Variants in KIF25 observed in about 807,000 individuals in gnomAD.
KIF25 encodes the protein kinesin family member 25.
A neutral mutation model predicts 32.9 loss-of-function variants in KIF25; 19 were observed. The ratio of observed to expected loss-of-function variants is 0.58; its 90% CI spans 0.40 to 0.85. The LOEUF is 0.85. KIF25 is among the 40% of genes least tolerant of loss of function. The pLI is 0.00. For missense variants in KIF25, 485 were observed against 507.0 expected (o/e 0.96, Z 0.42); for synonymous variants, 225 against 213.7 (o/e 1.05, Z -0.46).
chr6:168,012,597 C>T (rs1056979221), intron 4 of KIF25, among the ~76,000 whole-genome samples: 1 of 152,206 alleles, frequency 6.6e-6, no homozygotes, highest in Non-Finnish European at 1.5e-5. Context: ...ATGGCTGTTC[C>T]TCCGGCCAGA....
At chr6:168,024,001 A>G (rs1798824111) in intron 5 of KIF25, among the ~76,000 whole-genome samples, 1 of 152,244 alleles carries the variant, frequency 6.6e-6, no homozygotes, top group Non-Finnish European at 1.5e-5. Flanking sequence ...AAATAATCAT[A>G]TTTAAAAATC....
At chr6:168,038,786 C>T (rs1799071033) in intron 9 of KIF25, 57 bp downstream of exon 9, 2 of 1,556,984 alleles carry the variant, frequency 1.3e-6, no homozygotes, top group South Asian at 1.1e-5. Flanking sequence ...GCACCTGCCC[C>T]TCCCACCTGG....
rs55935925 is a variant in KIF25, at chr6:168,042,497, G to C, written c.830-64G>C. The C allele has an allele frequency of 4.4e-3, 6,878 of 1,568,602 alleles. 296 individuals carry two copies. The African/African-American group carries it at 0.084, about 19-fold the overall frequency. ...TGAGAGCCGCTCCTCCCAAGGAGCC[G>C]GTTTTGCTTTTCCTGCCTCCTTTCT... On this transcript the variant is annotated intron_variant, in intron 11 of 12. Transcript: ENST00000643607.
At chr6:168,018,446 T>C (rs1241188798) in intron 5 of KIF25, among the ~76,000 whole-genome samples, 1 of 152,212 alleles carries the variant, frequency 6.6e-6, no homozygotes, top group Non-Finnish European at 1.5e-5. Context: ...CATTTTCAAC[T>C]TGCAATATTT....
At chr6:168,003,856 C>T (rs1246838647) in intron 4 of KIF25, among the ~76,000 whole-genome samples, 153 bp downstream of exon 4, 2 of 152,200 alleles carry the variant, frequency 1.3e-5, no homozygotes, top group African/African-American at 4.8e-5. Flanking sequence ...ATTTGACATG[C>T]TTTCCTTGTG....
intron 5 of KIF25, among the ~76,000 whole-genome samples, chr6:168,018,388 G>T (rs1405176577): frequency 6.6e-6 from 1 of 152,140 alleles, no homozygotes; most frequent in Non-Finnish European, 1.5e-5. Context: ...CACACTTAAG[G>T]CAAGCTAGGC....
chr6:168,000,092 A>T (rs1798477179), intron 2 of KIF25, among the ~76,000 whole-genome samples: 1 of 79,138 alleles, frequency 1.3e-5, no homozygotes, highest in Non-Finnish European at 2.5e-5. Context: ...TCCCATCCTG[A>T]CCACACCTGA....
chr6:168,011,762 T>C (rs1204415008), intron 4 of KIF25, among the ~76,000 whole-genome samples: 3 of 152,232 alleles, frequency 2.0e-5, no homozygotes, highest in African/African-American at 7.2e-5. Context: ...TTATTAAATA[T>C]GTTTTCCTCA....
intron 8 of KIF25, 139 bp downstream of exon 8, chr6:168,034,170 C>T: frequency 1.2e-6 from 1 of 803,130 alleles, no homozygotes. Context: ...ATACATTCAA[C>T]ACTATGAAGT....
chr6:168,038,881 T>G, intron 9 of KIF25, 152 bp downstream of exon 9: 2 of 682,928 alleles, frequency 2.9e-6, no homozygotes, highest in Non-Finnish European at 4.9e-6. Context: ...TCAGTGCTCC[T>G]TGTCACTGAG....
chr6:168,042,830 T>C lies in KIF25; in HGVS notation c.985+114T>C, dbSNP rs143314529. 377 of 1,258,676 alleles carry C rather than the reference T, an allele frequency of 3.0e-4. No homozygotes were observed. The Middle Eastern group carries it at 3.8e-3, about 13-fold the overall frequency. 78.0% of individuals were successfully genotyped at this position (1,258,676 alleles called of 1,614,324 possible). A position where few individuals can be genotyped will look rare whatever the true frequency, so the allele number is the denominator to read the frequency against. ...CCACCCATGCACCCCCTGCACCTCC[T>C]GTGTCCTCGCTGTGGCTAGCTGGCA... On this transcript the variant is annotated intron_variant, in intron 12 of 12. Coordinates refer to ENST00000643607, the MANE Select transcript of KIF25 (RefSeq NM_030615.4).
rs756832867 is a variant in KIF25, at chr6:168,042,577, C to T, written c.846C>T (p.Thr282=). 5.0e-6 allele frequency: 8 copies of T among 1,613,568 alleles called. No homozygotes were observed. The highest frequency in any genetic ancestry group is 2.2e-5 in the South Asian group (2 of 91,018). The change falls in exon 12 of 13, where the codon ACC becomes ACT. Residue 282 remains threonine, a synonymous_variant. Transcript: ENST00000643607. ...GSECVGVSGV[T]GLALREMACI... Reference sequence around the variant, plus strand: ...CCTGTCCAGGTGTGTCTGGAGTGACCGGGTTGGCCCTGAGGGAGATGGCGT... The same window carrying T: ...CCTGTCCAGGTGTGTCTGGAGTGACTGGGTTGGCCCTGAGGGAGATGGCGT...
chr6:168,002,058 C>T (rs562157549), intron 2 of KIF25, among the ~76,000 whole-genome samples: 127 of 108,444 alleles, frequency 1.2e-3, no homozygotes, highest in African/African-American at 4.1e-3. Flanking sequence ...GGCATGGCCT[C>T]GGGCAGGTGA....
intron 5 of KIF25, among the ~76,000 whole-genome samples, chr6:168,023,546 G>C (rs1156465683): frequency 2.0e-5 from 3 of 152,016 alleles, no homozygotes; most frequent in African/African-American, 7.2e-5. Context: ...GAGATTACAG[G>C]CGTGAGCCAC....
intron 12 of KIF25, among the ~76,000 whole-genome samples, chr6:168,043,659 A>G (rs1052704139): frequency 6.6e-6 from 1 of 152,170 alleles, no homozygotes; most frequent in African/African-American, 2.4e-5. Context: ...CGCAGCCCCA[A>G]CAGAGAGACA....
At chr6:168,042,996 G>A (rs1799153597) in intron 12 of KIF25, among the ~76,000 whole-genome samples, 1 of 152,202 alleles carries the variant, frequency 6.6e-6, no homozygotes, top group African/African-American at 2.4e-5. Context: ...TTCACCAGGG[G>A]TCCGCCAGAG....
chr6:168,004,795 G>T (rs1448205386), intron 4 of KIF25, among the ~76,000 whole-genome samples: 1 of 152,126 alleles, frequency 6.6e-6, no homozygotes. Context: ...CTAAGCACTC[G>T]CAGCTTCCCT....
intron 4 of KIF25, among the ~76,000 whole-genome samples, chr6:168,006,516 G>C (rs982366666): frequency 2.0e-5 from 3 of 152,174 alleles, no homozygotes; most frequent in African/African-American, 4.8e-5. Context: ...GGCACCGGGC[G>C]ATTGCACCTG....
rs1477785528 is a variant in KIF25 at position 168,008,815 on chromosome 6, T to C, written c.-163+5112T>C. 2.6e-5 allele frequency among the ~76,000 whole-genome samples: 4 copies of C among 152,294 alleles called. No homozygotes were observed. In the East Asian group the frequency reaches 7.7e-4, roughly 29 times the overall value. On this transcript the variant is annotated intron_variant, in intron 4 of 12. Transcript: ENST00000643607. ...CCTTGGTTAAATTTATTCCTAGGTA[T>C]TTTAAATTTTTTGCAGCTATTGTAT...
Sources: allele counts gnomAD v4.1 joint callset (sites outside exome capture counted in the v4.1 genomes callset), GRCh38; gene constraint gnomAD v4.1.1; transcripts MANE v1.5; gene names NCBI Gene and HGNC (gene_info 2026-07-23, HGNC 2026-07-21).